Variants in SUPT3H observed in about 807,000 individuals in gnomAD.
SUPT3H encodes the protein SPT3 homolog, SAGA and STAGA complex component.
A neutral mutation model predicts 44.3 loss-of-function variants in SUPT3H; 44 were observed. The observed-to-expected ratio is 0.99, with a 90% CI of 0.78 to 1.28. The LOEUF is 1.28. SUPT3H is among the 50% of genes most tolerant of loss of function. The probability of loss-of-function intolerance (pLI) is 0.00; values close to 1 mark genes in which losing one functional copy is unlikely to be tolerated. For synonymous variants in SUPT3H, 124 were observed against 125.6 expected, an observed-to-expected ratio of 0.99 and a Z score of 0.09; for missense variants, 380 against 387.1, an observed-to-expected ratio of 0.98 and a Z score of 0.15.
intron 2 of SUPT3H, among the ~76,000 whole-genome samples, chr6:45,220,133 A>G (rs1286519743): frequency 2.6e-4 from 39 of 151,846 alleles, no homozygotes; most frequent in Admixed American, 2.6e-3. Flanking sequence ...TTATCAGGCA[A>G]ATATAAACTG....
chr6:44,965,612 A>G (rs138151310), intron 6 of SUPT3H, among the ~76,000 whole-genome samples: 167 of 151,948 alleles, frequency 1.1e-3, no homozygotes, highest in African/African-American at 3.8e-3. Flanking sequence ...AATGGAACAA[A>G]TTTTGGCCAA....
chr6:45,145,203 T>C (rs1198822762), intron 2 of SUPT3H, among the ~76,000 whole-genome samples: 1 of 151,992 alleles, frequency 6.6e-6, no homozygotes, highest in African/African-American at 2.4e-5. Flanking sequence ...AGATCCTACA[T>C]AGCCAAAAAA....
At chr6:45,285,780 T>C (rs567404736) in intron 2 of SUPT3H, among the ~76,000 whole-genome samples, 114 of 152,208 alleles carry the variant, frequency 7.5e-4, no homozygotes, top group Non-Finnish European at 1.5e-3. Context: ...GAGCCTGCAT[T>C]GCCAAGTCAA....
chr6:45,019,768 T>C (rs1173151594), intron 4 of SUPT3H, among the ~76,000 whole-genome samples: 2 of 151,994 alleles, frequency 1.3e-5, no homozygotes, highest in African/African-American at 2.4e-5. Flanking sequence ...CATCTAATCA[T>C]ACAACCTTGA....
chr6:45,296,912 C>CA (rs1302065430), intron 2 of SUPT3H, among the ~76,000 whole-genome samples: 1 of 140,032 alleles, frequency 7.1e-6, no homozygotes, highest in East Asian at 2.1e-4. Context: ...GCCTGGCTGA[C>CA]AGAGTGAGAT....
Position 45,014,878 on chromosome 6 carries a change from C to A in SUPT3H, c.287G>T (p.Arg96Ile). ...TCGGATAAACATGTATTTTAGCAGTCTTCTAAGTTTTTTCTATTAAAAATA... is the reference window on the plus strand; with the variant it reads ...TCGGATAAACATGTATTTTAGCAGTATTCTAAGTTTTTTCTATTAAAAATA... Reference protein sequence around the residue: ...LMRKDKKKLRRLLKYMFIRDY... With the variant: ...LMRKDKKKLRILLKYMFIRDY... Residue 96 changes from arginine (R) to isoleucine (I), a missense_variant, in exon 5 of 11, where the codon AGA becomes ATA. Transcript: ENST00000371459. 1 of 1,561,968 alleles carries A rather than the reference C, an allele frequency of 6.4e-7. No homozygotes were observed. Among genetic ancestry groups the A allele is most frequent in the Non-Finnish European group, 8.6e-7 (1 of 1,158,836 alleles).
intron 11 of SUPT3H, among the ~76,000 whole-genome samples, chr6:44,818,931 A>G (rs1302247401): frequency 1.3e-5 from 2 of 152,216 alleles, no homozygotes; most frequent in African/African-American, 4.8e-5. Flanking sequence ...ATAAAAATAA[A>G]TATTCACTTA....
intron 2 of SUPT3H, among the ~76,000 whole-genome samples, chr6:45,289,704 C>G (rs974840579): frequency 6.6e-6 from 1 of 151,996 alleles, no homozygotes; most frequent in Non-Finnish European, 1.5e-5. Flanking sequence ...TAAGTAAACA[C>G]GAGAAAACAT....
intron 3 of SUPT3H, among the ~76,000 whole-genome samples, chr6:45,094,860 G>T: frequency 6.6e-6 from 1 of 151,810 alleles, no homozygotes; most frequent in Non-Finnish European, 1.5e-5. Context: ...TTTTACTTAA[G>T]AAGTAAAAAT....
intron 3 of SUPT3H, among the ~76,000 whole-genome samples, chr6:45,033,024 G>A (rs1432794724): frequency 6.6e-6 from 1 of 152,120 alleles, no homozygotes; most frequent in Non-Finnish European, 1.5e-5. Flanking sequence ...TGTGCTCTGT[G>A]AGAATGTGAT....
chr6:45,184,857 G>A (rs1813911345), intron 2 of SUPT3H, among the ~76,000 whole-genome samples: 1 of 150,848 alleles, frequency 6.6e-6, no homozygotes, highest in African/African-American at 2.4e-5. Flanking sequence ...AAAAGGGTGG[G>A]CAAACAACAA....
intron 3 of SUPT3H, among the ~76,000 whole-genome samples, chr6:45,062,102 C>T (rs892302736): frequency 1.3e-5 from 2 of 151,384 alleles, no homozygotes; most frequent in East Asian, 1.9e-4. Context: ...GAATATACAC[C>T]TTATCTAGTA....
At chr6:44,903,211 A>G (rs1324061657) in intron 10 of SUPT3H, among the ~76,000 whole-genome samples, 11 of 152,242 alleles carry the variant, frequency 7.2e-5, no homozygotes, top group Non-Finnish European at 8.8e-5. Context: ...AGAGACACAA[A>G]AAACCCTTCA....
At chr6:44,912,698 GAACCAA>G (rs1562031289) in intron 10 of SUPT3H, among the ~76,000 whole-genome samples, 2 of 152,180 alleles carry the variant, frequency 1.3e-5, no homozygotes, top group Middle Eastern at 3.2e-3. Flanking sequence ...AAAGCACCTA[GAACCAA>G]TGATGTGAAG....
At chr6:44,907,510 CT>C (rs1766300177) in intron 10 of SUPT3H, among the ~76,000 whole-genome samples, 1 of 152,084 alleles carries the variant, frequency 6.6e-6, no homozygotes, top group Admixed American at 6.5e-5. Flanking sequence ...GACCCTATCT[CT>C]ACTAAAAATA....
In SUPT3H at chr6:45,082,986, T is replaced by A. The variant is rs919239187; in HGVS notation, c.186+22936A>T. Among the ~76,000 whole-genome samples the A allele has an allele frequency of 7.2e-5, 11 of 152,152 alleles. No individual in the cohort carries two copies. The South Asian group carries it at 2.3e-3, about 32-fold the overall frequency. On this transcript the variant is annotated intron_variant, in intron 3 of 10. Coordinates refer to ENST00000371459, the MANE Select transcript of SUPT3H (RefSeq NM_003599.4). The stretch of plus-strand genomic sequence containing the variant: ...GCACTTCCATACATTTATAACATTT[T>A]AGCTGAAAGCCAAATCAAGAACACA...
At chr6:44,854,471 C>T (rs1404762749) in intron 10 of SUPT3H, among the ~76,000 whole-genome samples, 1 of 152,160 alleles carries the variant, frequency 6.6e-6, no homozygotes, top group Non-Finnish European at 1.5e-5. Flanking sequence ...AGTCATTCTG[C>T]TCTTCTGTTG....
At chr6:45,198,537 T>G (rs1816462360) in intron 2 of SUPT3H, among the ~76,000 whole-genome samples, 1 of 151,340 alleles carries the variant, frequency 6.6e-6, no homozygotes. Flanking sequence ...ATTAATTTGC[T>G]GAAATTTTCA....
chr6:45,349,212 T>C (rs1326936155), intron 2 of SUPT3H, among the ~76,000 whole-genome samples: 1 of 152,186 alleles, frequency 6.6e-6, no homozygotes, highest in African/African-American at 2.4e-5. Flanking sequence ...TACTTCTACA[T>C]ATTTAAAGTC....
Sources: gnomAD v4.1 joint callset for allele counts (sites outside exome capture counted in the v4.1 genomes callset) on GRCh38, gnomAD v4.1.1 for gene constraint, MANE v1.5 for transcripts, NCBI Gene and HGNC (gene_info 2026-07-23, HGNC 2026-07-21) for gene names.